The following FASTKD1 variants were observed in gnomAD, a reference collection of about 807,000 sequenced individuals.
FASTKD1 encodes FAST kinase domain-containing protein 1, mitochondrial.
Under a neutral mutation model 90.9 loss-of-function variants are expected in FASTKD1, and 94 were observed. The ratio of observed to expected loss-of-function variants is 1.03; its 90% CI spans 0.88 to 1.23. The LOEUF is 1.23. Ranked by LOEUF, FASTKD1 falls within the 50% of genes most tolerant of loss-of-function variation. The probability of loss-of-function intolerance (pLI) is 0.00; values close to 1 mark genes in which losing one functional copy is unlikely to be tolerated. For missense variants in FASTKD1, 945 were observed against 993.5 expected (o/e 0.95, Z 0.66); for synonymous variants, 319 against 345.8 (o/e 0.92, Z 0.86).
intron 2 of FASTKD1, among the ~76,000 whole-genome samples, chr2:169,570,328 TTTCCTTTTTTCTTTGCTCTC>T (rs1684175802): frequency 6.6e-6 from 1 of 152,186 alleles, no homozygotes; most frequent in Admixed American, 6.5e-5. Context: ...TTTTATTTTT[TTTCCTTTTTTCTTTGCTCTC>T]TTCATTTTTT....
At chr2:169,534,747 C>G (rs1199019527) in intron 12 of FASTKD1, among the ~76,000 whole-genome samples, 1 of 152,158 alleles carries the variant, frequency 6.6e-6, no homozygotes, top group Non-Finnish European at 1.5e-5. Context: ...GCGTGTGCCA[C>G]TGCGCCCGGC....
chr2:169,555,216 T>G lies in FASTKD1; in HGVS notation c.1122A>C (p.Lys374Asn), dbSNP rs766068237. ...GAGTTATCTTCAACAACTCTAATGGTTTATAGCCATCCAAATGTTTATGCA... is the reference window on the plus strand; with the variant it reads ...GAGTTATCTTCAACAACTCTAATGGGTTATAGCCATCCAAATGTTTATGCA... ...SVLHKHLDGYKPLELLKITQE... is the reference protein window; with the variant it reads ...SVLHKHLDGYNPLELLKITQE... The change falls in exon 7 of 15, where the codon AAA becomes AAC. Residue 374 changes from lysine (K) to asparagine (N), a missense_variant. Transcript: ENST00000453153. 1.1e-5 allele frequency: 17 copies of G among 1,611,414 alleles called. No individual in the cohort carries two copies. The Admixed American group carries it at 2.7e-4, about 25-fold the overall frequency.
At chr2:169,570,675 CT>C (rs371337071) in intron 2 of FASTKD1, among the ~76,000 whole-genome samples, 105 of 134,810 alleles carry the variant, frequency 7.8e-4, no homozygotes, top group Admixed American at 7.0e-4. Context: ...TTAGGCATTA[CT>C]TTTTTTTTTT....
At chr2:169,554,082 G>A (rs1232149486) in intron 7 of FASTKD1, among the ~76,000 whole-genome samples, 1 of 149,468 alleles carries the variant, frequency 6.7e-6, no homozygotes, top group African/African-American at 2.5e-5. Flanking sequence ...TCCAGCTTGG[G>A]CAACAAAGTG....
intron 2 of FASTKD1, 142 bp downstream of exon 2, chr2:169,571,511 C>G: frequency 1.9e-6 from 1 of 538,496 alleles, no homozygotes; most frequent in East Asian, 3.5e-5. Context: ...TTGCAGTGAG[C>G]CGAGATCATG....
rs201253826 is a variant in FASTKD1 at position 169,571,640 on chromosome 2, G to A, written c.377+13C>T. 5 of 1,463,176 alleles carry A rather than the reference G, an allele frequency of 3.4e-6. No homozygotes were observed. The highest frequency in any genetic ancestry group is 4.7e-6 in the Non-Finnish European group (5 of 1,074,998). 90.6% of individuals were successfully genotyped at this position (1,463,176 alleles called of 1,614,324 possible). A position where few individuals can be genotyped will look rare whatever the true frequency, so the allele number is the denominator to read the frequency against. On this transcript the variant is annotated intron_variant, in intron 2 of 14. Coordinates refer to ENST00000453153, the MANE Select transcript of FASTKD1 (RefSeq NM_024622.6). ...TATAATCATTCCATAAAATATAAAA[G>A]TAAATTACTTACTGTTGTGTGACGT...
intron 7 of FASTKD1, among the ~76,000 whole-genome samples, chr2:169,547,884 CAAAAA>C (rs1158292826): frequency 1.5e-3 from 32 of 21,342 alleles, no homozygotes; most frequent in South Asian, 3.7e-3. Flanking sequence ...GACTCCATCT[CAAAAA>C]AAAAAAAAAA....
intron 11 of FASTKD1, 44 bp from the exon 12 acceptor site, chr2:169,537,384 CT>C (rs374005564): frequency 0.039 from 36,844 of 949,452 alleles, 9 homozygotes; most frequent in East Asian, 0.071. Flanking sequence ...TCTTTTTTTT[CT>C]TTTTTTTTTT....
At chr2:169,531,685 A>G (rs557921367) in intron 12 of FASTKD1, 195 bp from the exon 13 acceptor site, 1 of 507,676 alleles carries the variant, frequency 2.0e-6, no homozygotes, top group East Asian at 3.2e-5. Context: ...AAATCAATCA[A>G]TAAAAAAATC....
chr2:169,537,144 T>C, intron 12 of FASTKD1, 83 bp downstream of exon 12: 1 of 897,582 alleles, frequency 1.1e-6, no homozygotes, highest in South Asian at 1.5e-5. Flanking sequence ...CAAAAAACTT[T>C]AAAAAATTCC....
intron 8 of FASTKD1, 142 bp from the exon 9 acceptor site, chr2:169,544,977 T>G (rs1685122827): frequency 3.7e-6 from 2 of 546,640 alleles, no homozygotes; most frequent in Admixed American, 3.5e-5. Flanking sequence ...TATTAATTTT[T>G]CCATCCTGCT....
At chr2:169,553,289 A>AAAAC in intron 7 of FASTKD1, among the ~76,000 whole-genome samples, 1 of 149,268 alleles carries the variant, frequency 6.7e-6, no homozygotes, top group Non-Finnish European at 1.5e-5. Context: ...AAAAAAAAAA[A>AAAAC]CCCACTGTGC....
chr2:169,564,952 C>CT (rs557658819), intron 3 of FASTKD1, among the ~76,000 whole-genome samples: 17,828 of 109,046 alleles, frequency 0.16, 1,527 homozygotes, highest in Non-Finnish European at 0.19. Flanking sequence ...CCACATTTTT[C>CT]TTTTTTTTTT....
intron 7 of FASTKD1, among the ~76,000 whole-genome samples, chr2:169,553,271 CAA>C (rs374454211): frequency 1.5e-4 from 12 of 79,214 alleles, no homozygotes; most frequent in South Asian, 5.3e-4. Context: ...TAAAAGCATG[CAA>C]AAAAAAAAAA....
intron 3 of FASTKD1, among the ~76,000 whole-genome samples, chr2:169,564,983 C>G (rs1431760797): frequency 2.6e-5 from 3 of 114,758 alleles, no homozygotes; most frequent in Non-Finnish European, 3.5e-5. Context: ...GACGCAGTTT[C>G]GCTCTTGTTG....
At chr2:169,559,675 C>T (rs1348591816) in intron 5 of FASTKD1, among the ~76,000 whole-genome samples, 1 of 152,198 alleles carries the variant, frequency 6.6e-6, no homozygotes, top group Non-Finnish European at 1.5e-5. Context: ...GCCTCGGCCT[C>T]CCAAAGTGAT....
intron 4 of FASTKD1, 71 bp downstream of exon 4, chr2:169,563,154 A>T: frequency 4.8e-6 from 7 of 1,467,300 alleles, no homozygotes; most frequent in Non-Finnish European, 6.6e-6. Flanking sequence ...AAGAGTAGCA[A>T]ATCTGACTGC....
chr2:169,554,541 G>C (rs1685656989), intron 7 of FASTKD1, among the ~76,000 whole-genome samples: 1 of 113,684 alleles, frequency 8.8e-6, no homozygotes, highest in South Asian at 2.6e-4. Flanking sequence ...GTATGTGCCT[G>C]TATTCCCAGC....
intron 3 of FASTKD1, among the ~76,000 whole-genome samples, 168 bp downstream of exon 3, chr2:169,569,016 C>A (rs1174350116): frequency 7.6e-4 from 112 of 147,984 alleles, no homozygotes; most frequent in Non-Finnish European, 7.2e-4. Context: ...AAAAAAAAAA[C>A]AACAACACAT....
Sources: allele counts gnomAD v4.1 joint callset (sites outside exome capture counted in the v4.1 genomes callset), GRCh38; gene constraint gnomAD v4.1.1; transcripts MANE v1.5; gene names NCBI Gene and HGNC (gene_info 2026-07-23, HGNC 2026-07-21).